Variants in GALNTL6 observed in about 807,000 individuals in gnomAD.
The protein encoded by GALNTL6 is polypeptide N-acetylgalactosaminyltransferase-like 6.
Under a neutral mutation model 73.7 loss-of-function variants are expected in GALNTL6, and 46 were observed. The observed-to-expected ratio is 0.62, with a 90% confidence interval of 0.49 to 0.80. The LOEUF (loss-of-function observed/expected upper bound fraction) is 0.80. Ranked by LOEUF, GALNTL6 falls within the 30% of genes least tolerant of loss-of-function variation. GALNTL6 has a pLI of 0.00. For missense variants in GALNTL6, 604 were observed against 755.0 expected (o/e 0.80, Z 2.34); for synonymous variants, 259 against 263.7 (o/e 0.98, Z 0.17).
chr4:171,875,944 A>G (rs1736264453), intron 2 of GALNTL6, among the ~76,000 whole-genome samples: 1 of 151,960 alleles, frequency 6.6e-6, no homozygotes, highest in East Asian at 1.9e-4. Flanking sequence ...GAATTATCCA[A>G]TAGAGGTTGA....
intron 2 of GALNTL6, among the ~76,000 whole-genome samples, chr4:172,221,797 CT>C (rs1736684136): frequency 6.6e-6 from 1 of 151,766 alleles, no homozygotes; most frequent in South Asian, 2.1e-4. Context: ...CACAACTATC[CT>C]ACATCATATG....
At chr4:172,566,174 A>C (rs1460011593) in intron 5 of GALNTL6, among the ~76,000 whole-genome samples, 1 of 152,192 alleles carries the variant, frequency 6.6e-6, no homozygotes, top group Admixed American at 6.5e-5. Flanking sequence ...AGCCTTAAAC[A>C]ACACTGTAGA....
chr4:171,885,417 C>G (rs1736580351), intron 2 of GALNTL6, among the ~76,000 whole-genome samples: 1 of 152,030 alleles, frequency 6.6e-6, no homozygotes, highest in African/African-American at 2.4e-5. Context: ...TATACAAATT[C>G]ATTTGGGGGA....
At chr4:172,882,308 T>C (rs1186539649) in intron 7 of GALNTL6, among the ~76,000 whole-genome samples, 3 of 152,214 alleles carry the variant, frequency 2.0e-5, no homozygotes, top group Non-Finnish European at 4.4e-5. Flanking sequence ...GTTTGTAAAT[T>C]GGACATGACC....
At chr4:171,937,566 A>G (rs1738390023) in intron 2 of GALNTL6, among the ~76,000 whole-genome samples, 2 of 152,146 alleles carry the variant, frequency 1.3e-5, no homozygotes, top group African/African-American at 4.8e-5. Context: ...TGAAAACTGG[A>G]GATTTCTGTG....
At chr4:172,760,355 A>C (rs1738012465) in intron 5 of GALNTL6, among the ~76,000 whole-genome samples, 1 of 152,176 alleles carries the variant, frequency 6.6e-6, no homozygotes, top group Non-Finnish European at 1.5e-5. Flanking sequence ...AGAAATGTGC[A>C]CTGAACATAC....
chr4:171,941,413 C>T (rs569108579), intron 2 of GALNTL6, among the ~76,000 whole-genome samples: 1 of 152,344 alleles, frequency 6.6e-6, no homozygotes, highest in Admixed American at 6.5e-5. Flanking sequence ...AAATATGGTG[C>T]ATTTTCCCCC....
At chr4:172,865,556 T>G (rs1412887189) in intron 7 of GALNTL6, among the ~76,000 whole-genome samples, 6 of 152,222 alleles carry the variant, frequency 3.9e-5, no homozygotes, top group Non-Finnish European at 7.3e-5. Context: ...ATTAATGAGG[T>G]GAACAACAAC....
chr4:172,227,143 TA>T (rs1736895102), intron 2 of GALNTL6, among the ~76,000 whole-genome samples: 1 of 152,114 alleles, frequency 6.6e-6, no homozygotes, highest in African/African-American at 2.4e-5. Flanking sequence ...GCTTGCTAAT[TA>T]GGCTATTTCC....
chr4:172,055,887 G>A (rs1334392419), intron 2 of GALNTL6, among the ~76,000 whole-genome samples: 4 of 152,062 alleles, frequency 2.6e-5, no homozygotes, highest in Non-Finnish European at 5.9e-5. Flanking sequence ...TTAAGCTTGG[G>A]GGAAAATGGA....
chr4:172,106,158 A>C lies in GALNTL6; in HGVS notation c.139-123498A>C, dbSNP rs941166218. 4.6e-5 allele frequency among the ~76,000 whole-genome samples: 7 copies of C among 152,196 alleles called. No individual in the cohort carries two copies. The South Asian group carries it at 1.4e-3, about 32-fold the overall frequency. ...TCAGAGAGTGGCTTAGATAAGCAATAGTAGGTAATGAGTTCTTGTTTTCTG... is the reference window on the plus strand; with the variant it reads ...TCAGAGAGTGGCTTAGATAAGCAATCGTAGGTAATGAGTTCTTGTTTTCTG... On this transcript the variant is annotated intron_variant, in intron 2 of 12. Transcript: ENST00000506823.
At chr4:172,835,966 C>A (rs758303080) in intron 7 of GALNTL6, among the ~76,000 whole-genome samples, 1 of 152,202 alleles carries the variant, frequency 6.6e-6, no homozygotes, top group Non-Finnish European at 1.5e-5. Flanking sequence ...TTCAGCCCGG[C>A]TAATGAAGAG....
intron 5 of GALNTL6, among the ~76,000 whole-genome samples, chr4:172,566,807 T>C (rs181215549): frequency 7.3e-4 from 111 of 151,852 alleles, no homozygotes; most frequent in Non-Finnish European, 3.5e-4. Context: ...AAGATTCAAA[T>C]AAAATCGTAA....
chr4:172,647,467 A>T (rs1740291286), intron 5 of GALNTL6, among the ~76,000 whole-genome samples: 1 of 152,116 alleles, frequency 6.6e-6, no homozygotes, highest in Non-Finnish European at 1.5e-5. Context: ...GTAAAGGTAC[A>T]TAAACCTTTC....
At chr4:172,755,237 T>TAGATAGATAG (rs1553984920) in intron 5 of GALNTL6, among the ~76,000 whole-genome samples, 1 of 145,664 alleles carries the variant, frequency 6.9e-6, no homozygotes, top group African/African-American at 2.6e-5. Flanking sequence ...AAATGACAGA[T>TAGATAGATAG]ATAGATAGAT....
chr4:172,029,922 G>A (rs1386560653), intron 2 of GALNTL6, among the ~76,000 whole-genome samples: 1 of 152,030 alleles, frequency 6.6e-6, no homozygotes, highest in Non-Finnish European at 1.5e-5. Flanking sequence ...ATTTACATTG[G>A]TAAATTTAAA....
chr4:171,874,948 C>A (rs886984824), intron 2 of GALNTL6, among the ~76,000 whole-genome samples: 3 of 152,028 alleles, frequency 2.0e-5, no homozygotes, highest in African/African-American at 7.3e-5. Context: ...TTAAAATCAC[C>A]CTGCAGAAAT....
rs1040366322 is a variant in GALNTL6 at position 171,813,614 on chromosome 4, T to C, written c.-546T>C. On this transcript the variant is annotated 5_prime_UTR_variant, in exon 1 of 13. Transcript: ENST00000506823. This position sits in a 1 kb window ranked among gnomAD's most constrained non-coding sequence, Gnocchi z 5.2. ...ATTGCCCTTTAGGTGCTCGTGATGG[T>C]CCTGTGGGTTCGTTCAGTTGCCAGA... 5 of 152,312 alleles carry C rather than the reference T, an allele frequency of 3.3e-5. No individual in the cohort carries two copies. The highest frequency in any genetic ancestry group is 3.3e-4 in the Admixed American group (5 of 15,282). 9.4% of individuals were successfully genotyped at this position (152,312 alleles called of 1,614,324 possible).
intron 2 of GALNTL6, among the ~76,000 whole-genome samples, chr4:172,179,122 G>T (rs1035994174): frequency 3.4e-5 from 5 of 146,642 alleles, no homozygotes; most frequent in East Asian, 2.0e-4. Context: ...ACATACGTGT[G>T]CATGTGTCTT....
Sources: allele counts gnomAD v4.1 joint callset (sites outside exome capture counted in the v4.1 genomes callset), GRCh38; gene constraint gnomAD v4.1.1; non-coding constraint Gnocchi (gnomAD v3.1); transcripts MANE v1.5; gene names NCBI Gene and HGNC (gene_info 2026-07-23, HGNC 2026-07-21).